Variants in BTBD9 observed in about 807,000 individuals in gnomAD.
BTBD9 encodes BTB domain containing 9, also known as BTB/POZ domain-containing protein 9.
Under a neutral mutation model 64.3 loss-of-function variants are expected in BTBD9, and 49 were observed. The ratio of observed to expected loss-of-function variants is 0.76; its 90% CI spans 0.61 to 0.97. The LOEUF (loss-of-function observed/expected upper bound fraction) is 0.97, where lower values mean the gene tolerates loss of function less well. Ranked by LOEUF, BTBD9 falls within the 50% of genes least tolerant of loss-of-function variation. The probability of loss-of-function intolerance (pLI) is 0.00; values close to 1 mark genes in which losing one functional copy is unlikely to be tolerated. For synonymous variants in BTBD9, 260 were observed against 274.7 expected (o/e 0.95, Z 0.53); for missense variants, 598 against 762.1 (o/e 0.78, Z 2.53).
chr6:38,464,652 C>T lies in BTBD9; in HGVS notation c.1154+112948G>A, dbSNP rs148124897. ...CTAGGATTACAGGTGCCTGCCACCG[C>T]GCCTGGCTAAGTTTTGCATTTTTAG... On this transcript the variant is annotated intron_variant, in intron 6 of 10. Transcript: ENST00000481247. Among the ~76,000 whole-genome samples the T allele has an allele frequency of 8.8e-3, 1,340 of 152,172 alleles. 10 individuals carry two copies. The highest frequency in any genetic ancestry group is 0.027 in the African/African-American group (1,115 of 41,510).
intron 6 of BTBD9, among the ~76,000 whole-genome samples, chr6:38,345,954 C>A (rs900485095): frequency 6.6e-6 from 1 of 152,236 alleles, no homozygotes; most frequent in African/African-American, 2.4e-5. Flanking sequence ...CTGAGTGTCA[C>A]ACAATTCCAT....
chr6:38,373,274 T>C (rs761736719), intron 6 of BTBD9, among the ~76,000 whole-genome samples: 4 of 152,242 alleles, frequency 2.6e-5, no homozygotes, highest in African/African-American at 4.8e-5. Context: ...TAATTAGTCA[T>C]AGACTATTCA....
intron 6 of BTBD9, among the ~76,000 whole-genome samples, chr6:38,537,655 T>C (rs948074518): frequency 1.3e-5 from 2 of 152,236 alleles, no homozygotes; most frequent in Non-Finnish European, 2.9e-5. Context: ...AATTTTATGC[T>C]ATGTACAAAG....
At chr6:38,282,866 T>C (rs1019517449) in intron 8 of BTBD9, among the ~76,000 whole-genome samples, 4 of 152,246 alleles carry the variant, frequency 2.6e-5, no homozygotes, top group African/African-American at 9.6e-5. Context: ...TTCCTCCTGA[T>C]TCCCCCATGG....
chr6:38,233,746 A>T lies in BTBD9; in HGVS notation c.1562+22663T>A, dbSNP rs574658555. Among the ~76,000 whole-genome samples, 3 of 152,364 alleles carry T rather than the reference A, an allele frequency of 2.0e-5. No individual in the cohort carries two copies. The South Asian group carries it at 6.2e-4, about 32-fold the overall frequency. On this transcript the variant is annotated intron_variant, in intron 9 of 10. Coordinates refer to ENST00000481247, the MANE Select transcript of BTBD9 (RefSeq NM_001099272.2). The stretch of plus-strand genomic sequence containing the variant: ...TTAAACATCTCAACCTTTCTCAACC[A>T]GGACAGGCAGCCACCTCCACTTGTG...
At chr6:38,326,089 T>C (rs967152584) in intron 7 of BTBD9, among the ~76,000 whole-genome samples, 2 of 152,186 alleles carry the variant, frequency 1.3e-5, no homozygotes, top group Non-Finnish European at 2.9e-5. Flanking sequence ...GGAAGCCTTT[T>C]CTGAAGAAGT....
intron 6 of BTBD9, among the ~76,000 whole-genome samples, chr6:38,526,147 C>T (rs985354160): frequency 1.2e-4 from 19 of 152,240 alleles, no homozygotes; most frequent in Admixed American, 3.9e-4. Flanking sequence ...GGCCCAGGGC[C>T]CTGCTGCTCT....
At chr6:38,211,203 G>T (rs925121265) in intron 9 of BTBD9, among the ~76,000 whole-genome samples, 2 of 152,080 alleles carry the variant, frequency 1.3e-5, no homozygotes, top group Admixed American at 1.3e-4. Flanking sequence ...GCCGAGGCGG[G>T]TGGATCACGA....
rs147925527 is a variant in BTBD9, at chr6:38,279,663, AAGG to A, written c.1454+8606_1454+8608del. ...GCAGCATATAAAACATCTGCCACAGAAGGAGGAGGCTGATGCTTTCCACTCATT... is the reference window on the plus strand; with the variant it reads ...GCAGCATATAAAACATCTGCCACAGAAGGAGGCTGATGCTTTCCACTCATT... On this transcript the variant is annotated intron_variant, in intron 8 of 10. Coordinates refer to ENST00000481247, the MANE Select transcript of BTBD9 (RefSeq NM_001099272.2). 3.6e-3 allele frequency among the ~76,000 whole-genome samples: 550 copies of A among 152,306 alleles called. 3 individuals carry two copies. Among genetic ancestry groups the A allele is most frequent in the African/African-American group, 0.013 (522 of 41,562 alleles).
chr6:38,508,213 A>G (rs559303537), intron 6 of BTBD9, among the ~76,000 whole-genome samples: 8 of 152,258 alleles, frequency 5.3e-5, no homozygotes, highest in Admixed American at 1.3e-4. Flanking sequence ...AACTCTATTT[A>G]GATGTCTTTT....
chr6:38,273,778 G>C (rs539864050), intron 8 of BTBD9, among the ~76,000 whole-genome samples: 3 of 152,324 alleles, frequency 2.0e-5, no homozygotes, highest in African/African-American at 7.2e-5. Flanking sequence ...TATCCAAGGA[G>C]AGAAAAGGAT....
intron 9 of BTBD9, among the ~76,000 whole-genome samples, chr6:38,212,302 G>A (rs1264255155): frequency 6.6e-6 from 1 of 152,192 alleles, no homozygotes; most frequent in Non-Finnish European, 1.5e-5. Context: ...TCTGTGCTGA[G>A]GGGCCTGCCT....
intron 10 of BTBD9, chr6:38,179,419 CG>C: frequency 2.2e-6 from 1 of 456,676 alleles, no homozygotes; most frequent in South Asian, 1.5e-5. Flanking sequence ...CTGGAAGGGA[CG>C]GGGGCGGGCA....
chr6:38,610,758 A>G (rs1296328592), intron 1 of BTBD9, among the ~76,000 whole-genome samples: 1 of 152,174 alleles, frequency 6.6e-6, no homozygotes, highest in Non-Finnish European at 1.5e-5. Context: ...CAATGTTCTC[A>G]TATACTGTTG....
At chr6:38,492,081 T>C (rs565916942) in intron 6 of BTBD9, among the ~76,000 whole-genome samples, 1 of 152,234 alleles carries the variant, frequency 6.6e-6, no homozygotes, top group South Asian at 2.1e-4. Flanking sequence ...ATTAACCGGG[T>C]CCCACTTTAG....
intron 8 of BTBD9, among the ~76,000 whole-genome samples, chr6:38,274,239 G>C (rs900489122): frequency 6.6e-6 from 1 of 152,188 alleles, no homozygotes; most frequent in Non-Finnish European, 1.5e-5. Flanking sequence ...TGTATCCTAA[G>C]ACTTTGCTGA....
intron 9 of BTBD9, among the ~76,000 whole-genome samples, chr6:38,244,182 C>A (rs1764104165): frequency 6.6e-6 from 1 of 152,166 alleles, no homozygotes; most frequent in Non-Finnish European, 1.5e-5. Context: ...GCTCAGTTTG[C>A]TTACCTACCT....
intron 6 of BTBD9, among the ~76,000 whole-genome samples, chr6:38,353,226 G>A (rs1396877810): frequency 2.0e-5 from 3 of 152,112 alleles, no homozygotes; most frequent in Non-Finnish European, 4.4e-5. Flanking sequence ...AATTAAATAG[G>A]CTTCTTAGCA....
intron 2 of BTBD9, 128 bp downstream of exon 2, chr6:38,597,782 C>A: frequency 1.3e-6 from 1 of 762,034 alleles, no homozygotes; most frequent in Non-Finnish European, 2.1e-6. Flanking sequence ...ATGAAATCTT[C>A]ATAGATATTG....
Sources: allele counts gnomAD v4.1 joint callset (sites outside exome capture counted in the v4.1 genomes callset), GRCh38; gene constraint gnomAD v4.1.1; transcripts MANE v1.5; gene names NCBI Gene and HGNC (gene_info 2026-07-23, HGNC 2026-07-21).